MED27: variants seen among roughly 807,000 people sequenced by gnomAD.
MED27 encodes the protein mediator complex subunit 27, also known as mediator of RNA polymerase II transcription subunit 27.
Under a neutral mutation model 38.2 loss-of-function variants are expected in MED27, and 30 were observed. That is an observed-to-expected ratio of 0.79 (90% CI 0.59 to 1.07). MED27 has a LOEUF of 1.07. Among genes scored for constraint, MED27 ranks in the 50% least tolerant of loss-of-function variants. The probability of loss-of-function intolerance (pLI) is 0.00; values close to 1 mark genes in which losing one functional copy is unlikely to be tolerated. For synonymous variants in MED27, 122 were observed against 153.5 expected (o/e 0.79, Z 1.52); for missense variants, 289 against 397.5 (o/e 0.73, Z 2.32).
At chr9:131,970,431 C>T (rs1831451185) in intron 3 of MED27, among the ~76,000 whole-genome samples, 1 of 152,224 alleles carries the variant, frequency 6.6e-6, no homozygotes, top group Non-Finnish European at 1.5e-5. Flanking sequence ...ATGCTCTCTC[C>T]ACGGAAGAGC....
intron 5 of MED27, among the ~76,000 whole-genome samples, chr9:131,885,406 C>T (rs1257121169): frequency 6.6e-6 from 1 of 152,156 alleles, no homozygotes; most frequent in Non-Finnish European, 1.5e-5. Context: ...CAGTTCCTCC[C>T]CTAGAGTATT....
chr9:132,075,013 C>A (rs1834014831), intron 2 of MED27, among the ~76,000 whole-genome samples: 1 of 152,170 alleles, frequency 6.6e-6, no homozygotes, highest in South Asian at 2.1e-4. Flanking sequence ...CTAGAAAAAG[C>A]AATAGGTTAA....
intron 6 of MED27, among the ~76,000 whole-genome samples, chr9:131,880,857 C>T (rs1356922327): frequency 6.6e-6 from 1 of 151,920 alleles, no homozygotes; most frequent in Non-Finnish European, 1.5e-5. Context: ...TTTACAACTT[C>T]CTAATACACT....
rs1029397497 is a variant in MED27 at position 132,003,770 on chromosome 9, T to C, written c.479+10567A>G. Among the ~76,000 whole-genome samples the C allele has an allele frequency of 5.3e-5, 8 of 152,270 alleles. No homozygotes were observed. Among genetic ancestry groups the C allele is most frequent in the South Asian group, 4.1e-4 (2 of 4,822 alleles). ...ACCCAGTACTTTTGGGAAGGGGGGA[T>C]TGGAGTATTTTAAAGTGAATCTGGT... On this transcript the variant is annotated intron_variant, in intron 3 of 7. Coordinates refer to ENST00000292035, the MANE Select transcript of MED27 (RefSeq NM_004269.4). The surrounding 1 kb of genome is among the most constrained non-coding windows in gnomAD (Gnocchi z 4.2).
intron 3 of MED27, among the ~76,000 whole-genome samples, chr9:132,004,418 T>C (rs1832310985): frequency 6.6e-6 from 1 of 152,234 alleles, no homozygotes; most frequent in Admixed American, 6.5e-5. Context: ...AATTATCTTT[T>C]AAACAGTTAC....
At chr9:131,966,383 C>A (rs868838793) in intron 3 of MED27, among the ~76,000 whole-genome samples, 428 of 36,608 alleles carry the variant, frequency 0.012, 2 homozygotes, top group Middle Eastern at 0.02. Context: ...GACCCTGTCA[C>A]AAAAAAAAAA....
At chr9:131,904,540 G>GC (rs63697360) in intron 4 of MED27, among the ~76,000 whole-genome samples, 8,173 of 150,922 alleles carry the variant, frequency 0.054, 540 homozygotes, top group African/African-American at 0.16. Context: ...AATAGAGATC[G>GC]GGGGGGAGCG....
At position 132,071,654 on chromosome 9, in the gene MED27, G is replaced by A. The variant is rs116690019; in HGVS notation, c.348+5788C>T. Among the ~76,000 whole-genome samples the A allele has an allele frequency of 9.1e-3, 1,376 of 151,434 alleles. 25 individuals carry two copies. The highest frequency in any genetic ancestry group is 0.027 in the African/African-American group (1,118 of 41,214). ...ACACCTCATGAACGAACACACGCATGAGTAACCCGTGCCCCATGAATGAGC... is the reference window on the plus strand; with the variant it reads ...ACACCTCATGAACGAACACACGCATAAGTAACCCGTGCCCCATGAATGAGC... On this transcript the variant is annotated intron_variant, in intron 2 of 7. Coordinates refer to ENST00000292035, the MANE Select transcript of MED27 (RefSeq NM_004269.4).
intron 3 of MED27, among the ~76,000 whole-genome samples, chr9:131,994,708 C>A (rs1267863646): frequency 2.6e-5 from 4 of 152,196 alleles, no homozygotes; most frequent in Non-Finnish European, 1.5e-5. Context: ...GACTCAGGAA[C>A]AGTTCATATT....
intron 6 of MED27, among the ~76,000 whole-genome samples, chr9:131,867,169 C>T (rs958326978): frequency 4.6e-5 from 7 of 152,192 alleles, no homozygotes; most frequent in African/African-American, 1.2e-4. Flanking sequence ...TGTGTGCAGA[C>T]GGTGAGAAGG....
intron 1 of MED27, among the ~76,000 whole-genome samples, chr9:132,078,115 A>T (rs1834094659): frequency 6.6e-6 from 1 of 152,216 alleles, no homozygotes; most frequent in Non-Finnish European, 1.5e-5. Flanking sequence ...GGAAGACACC[A>T]CTGAGGTGGC....
In MED27 at chr9:131,862,960, G is replaced by GC; in HGVS notation, c.801+102dup. 1 of 902,820 alleles carries GC rather than the reference G, an allele frequency of 1.1e-6. No homozygotes were observed. The highest frequency in any genetic ancestry group is 1.7e-6 in the Non-Finnish European group (1 of 574,304). The allele number at this position is 902,820 out of a possible 1,614,324, so 55.9% of individuals were successfully genotyped here. ...TGGCAGCCCCATCTCCCACTGGGAG[G>GC]CCCTCAAAGTCTGAAGATGCAACGG... On this transcript the variant is annotated intron_variant, in intron 7 of 7. Transcript: ENST00000292035. The surrounding 1 kb of genome is among the most constrained non-coding windows in gnomAD (Gnocchi z 4.6).
At chr9:132,013,964 G>A (rs1832537857) in intron 3 of MED27, among the ~76,000 whole-genome samples, 1 of 152,098 alleles carries the variant, frequency 6.6e-6, no homozygotes, top group African/African-American at 2.4e-5. Context: ...CCAGCACTTT[G>A]GGAGGCCGAG....
intron 4 of MED27, among the ~76,000 whole-genome samples, chr9:131,935,799 T>G (rs531310694): frequency 9.2e-5 from 14 of 152,276 alleles, no homozygotes; most frequent in African/African-American, 3.1e-4. Flanking sequence ...CTTTATAATT[T>G]ACATATACAT....
At chr9:132,054,194 C>T (rs897878973) in intron 2 of MED27, among the ~76,000 whole-genome samples, 2 of 151,964 alleles carry the variant, frequency 1.3e-5, no homozygotes, top group Non-Finnish European at 2.9e-5. Context: ...GTGAGCGGGG[C>T]GGATCCCTCA....
Position 131,952,655 on chromosome 9 carries a change from CA to C in MED27, c.480-13182del, listed in dbSNP as rs544290582. ...GTGGAAGGTGGAAAAGCAGTGAGGT[CA>C]GGGTATTTATCCTGCCTACAAATTC... is the stretch of plus-strand genomic sequence containing the variant. On this transcript the variant is annotated intron_variant, in intron 3 of 7. Transcript: ENST00000292035. Among the ~76,000 whole-genome samples the C allele has an allele frequency of 5.6e-3, 859 of 152,314 alleles. 7 individuals carry two copies. The highest frequency in any genetic ancestry group is 8.9e-3 in the Non-Finnish European group (603 of 68,026).
chr9:131,936,542 G>C (rs561574205), intron 4 of MED27, among the ~76,000 whole-genome samples: 2 of 152,348 alleles, frequency 1.3e-5, no homozygotes, highest in South Asian at 4.1e-4. Flanking sequence ...TCAGGGCAAG[G>C]AGCAACTGCA....
chr9:132,077,765 G>A (rs1219292729), intron 1 of MED27, among the ~76,000 whole-genome samples, 179 bp from the exon 2 acceptor site: 1 of 151,822 alleles, frequency 6.6e-6, no homozygotes, highest in Non-Finnish European at 1.5e-5. Flanking sequence ...CTAAATGAGA[G>A]TTTATCTGAC....
At chr9:132,077,769 A>G (rs1834085152) in intron 1 of MED27, among the ~76,000 whole-genome samples, 183 bp from the exon 2 acceptor site, 1 of 152,202 alleles carries the variant, frequency 6.6e-6, no homozygotes, top group Non-Finnish European at 1.5e-5. Context: ...ATGAGAGTTT[A>G]TCTGACTTTA....
Sources: gnomAD v4.1 joint callset for allele counts (sites outside exome capture counted in the v4.1 genomes callset) on GRCh38, gnomAD v4.1.1 for gene constraint, Gnocchi (gnomAD v3.1) non-coding constraint, MANE v1.5 for transcripts, NCBI Gene and HGNC (gene_info 2026-07-23, HGNC 2026-07-21) for gene names.